The following ENPP6 variants were observed in gnomAD, a reference collection of about 807,000 sequenced individuals.
ENPP6 encodes glycerophosphocholine cholinephosphodiesterase ENPP6.
A neutral mutation model predicts 42.0 loss-of-function variants in ENPP6; 32 were observed. The observed-to-expected ratio is 0.76, with a 90% CI of 0.58 to 1.02. The LOEUF (loss-of-function observed/expected upper bound fraction) is 1.02. ENPP6 is among the 50% of genes least tolerant of loss of function. The probability of loss-of-function intolerance (pLI) is 0.00; values close to 1 mark genes in which losing one functional copy is unlikely to be tolerated. For missense variants in ENPP6, 552 were observed against 566.8 expected, an observed-to-expected ratio of 0.97 and a Z score of 0.27; for synonymous variants, 213 against 216.0, an observed-to-expected ratio of 0.99 and a Z score of 0.12.
chr4:184,163,400 G>A (rs899703521), intron 1 of ENPP6, among the ~76,000 whole-genome samples: 5 of 152,172 alleles, frequency 3.3e-5, no homozygotes, highest in African/African-American at 7.2e-5. Context: ...GAAGTAAAGG[G>A]AACGAGGGTG....
chr4:184,150,613 GC>G (rs898851804), intron 2 of ENPP6, among the ~76,000 whole-genome samples: 2 of 152,208 alleles, frequency 1.3e-5, no homozygotes, highest in Non-Finnish European at 2.9e-5. Flanking sequence ...TACTGCAGCT[GC>G]CCCCCAGGAA....
intron 2 of ENPP6, among the ~76,000 whole-genome samples, chr4:184,132,936 G>A (rs1478822488): frequency 1.3e-5 from 2 of 151,222 alleles, no homozygotes; most frequent in African/African-American, 2.4e-5. Flanking sequence ...CATAAATCAG[G>A]TATTGGATCA....
intron 1 of ENPP6, among the ~76,000 whole-genome samples, chr4:184,165,347 T>G (rs1737330927): frequency 6.6e-6 from 1 of 152,184 alleles, no homozygotes; most frequent in Non-Finnish European, 1.5e-5. Context: ...AGTGGCTGAG[T>G]GAGGAGGCTG....
chr4:184,089,186 T>C lies in ENPP6; in HGVS notation c.*1991A>G, dbSNP rs541398633. The C allele has an allele frequency of 1.3e-5, 2 of 152,226 alleles. No individual in the cohort carries two copies. The highest frequency in any genetic ancestry group is 2.9e-5 in the Non-Finnish European group (2 of 68,034). The allele number at this position is 152,226 out of a possible 1,614,324, so 9.4% of individuals were successfully genotyped here. On this transcript the variant is annotated 3_prime_UTR_variant, in exon 8 of 8. Transcript: ENST00000296741. ...GCTGAAGAGTTGCCTTCTTTCCAAT[T>C]GATCCGATGGTTTACTGGCGCTTTT...
At chr4:184,125,924 T>G (rs1186704801) in intron 2 of ENPP6, among the ~76,000 whole-genome samples, 3 of 152,178 alleles carry the variant, frequency 2.0e-5, no homozygotes, top group Non-Finnish European at 4.4e-5. Flanking sequence ...TGTGAATTGT[T>G]ATTGCTCTCT....
Position 184,089,559 on chromosome 4 carries a change from T to G in ENPP6, c.*1618A>C, listed in dbSNP as rs1735749235. ...GGTGTGATCAAAGCTCACTGCAGCC[T>G]TGACCTCCTGGGCTCAAATGATTCT... On this transcript the variant is annotated 3_prime_UTR_variant, in exon 8 of 8. Coordinates refer to ENST00000296741, the MANE Select transcript of ENPP6 (RefSeq NM_153343.4). 2 of 152,700 alleles carry G rather than the reference T, an allele frequency of 1.3e-5. No individual in the cohort carries two copies. The highest frequency in any genetic ancestry group is 4.8e-5 in the African/African-American group (2 of 41,544). The allele number at this position is 152,700 out of a possible 1,614,324, so 9.5% of individuals were successfully genotyped here. A position where few individuals can be genotyped will look rare whatever the true frequency, so the allele number is the denominator to read the frequency against.
At chr4:184,138,573 C>T (rs990818515) in intron 2 of ENPP6, among the ~76,000 whole-genome samples, 5 of 152,166 alleles carry the variant, frequency 3.3e-5, no homozygotes, top group Admixed American at 3.3e-4. Context: ...TGAGAGGTAT[C>T]TTTTTCTTAC....
chr4:184,206,251 A>ATTTTT lies in ENPP6; in HGVS notation c.241+11323_241+11327dup, dbSNP rs1554000365. Among the ~76,000 whole-genome samples, 55 of 93,296 alleles carry ATTTTT rather than the reference A, an allele frequency of 5.9e-4. 2 individuals carry two copies. Among genetic ancestry groups the ATTTTT allele is most frequent in the African/African-American group, 1.1e-3 (24 of 22,418 alleles). The allele number at this position is 93,296 out of a possible 152,430, so 61.2% of individuals were successfully genotyped here. A position where few individuals can be genotyped will look rare whatever the true frequency, so the allele number is the denominator to read the frequency against. ...GAACAGCCCCTCAAAGGAAGCTTGA[A>ATTTTT]TTTTTTTTTTTTTTTTTTTTTTTTG... On this transcript the variant is annotated intron_variant, in intron 1 of 7. Coordinates refer to ENST00000296741, the MANE Select transcript of ENPP6 (RefSeq NM_153343.4).
intron 1 of ENPP6, among the ~76,000 whole-genome samples, chr4:184,183,695 T>A (rs1732590216): frequency 6.6e-6 from 1 of 152,312 alleles, no homozygotes; most frequent in African/African-American, 2.4e-5. Context: ...GAACTAAAGT[T>A]TTTTACCAAA....
intron 1 of ENPP6, among the ~76,000 whole-genome samples, chr4:184,160,955 T>C (rs6823506): frequency 0.42 from 64,240 of 151,988 alleles, 14,097 homozygotes; most frequent in East Asian, 0.6. Flanking sequence ...TTGAGGGCAA[T>C]GCAAAGAACT....
chr4:184,131,189 C>CTT (rs1214487960), intron 2 of ENPP6, among the ~76,000 whole-genome samples: 2,435 of 66,584 alleles, frequency 0.037, 66 homozygotes, highest in South Asian at 0.056. Context: ...TTCTTTCTTT[C>CTT]TTTCTTTCTT....
At chr4:184,180,380 C>CA (rs1019227542) in intron 1 of ENPP6, among the ~76,000 whole-genome samples, 59 of 151,982 alleles carry the variant, frequency 3.9e-4, no homozygotes, top group Admixed American at 3.3e-3. Flanking sequence ...ATCCACCAAC[C>CA]AAAAAAAGCC....
intron 2 of ENPP6, among the ~76,000 whole-genome samples, chr4:184,137,870 G>A (rs186334885): frequency 1.4e-3 from 206 of 152,290 alleles, no homozygotes; most frequent in African/African-American, 4.7e-3. Flanking sequence ...CTGAAGGAGA[G>A]ATGGGTACCA....
intron 6 of ENPP6, among the ~76,000 whole-genome samples, chr4:184,109,855 T>G (rs1736170714): frequency 6.6e-6 from 1 of 152,138 alleles, no homozygotes. Flanking sequence ...AACGTGTGTG[T>G]GTGTGTGTGT....
rs1163805722 is a variant in ENPP6, at chr4:184,116,925, A to G, written c.786T>C (p.Asn262=). 2.4e-5 allele frequency: 39 copies of G among 1,614,102 alleles called. No homozygotes were observed. Among genetic ancestry groups the G allele is most frequent in the African/African-American group, 4.0e-5 (3 of 74,932 alleles). The change falls in exon 5 of 8, where the codon AAT becomes AAC. Residue 262 remains asparagine, a synonymous_variant. Coordinates refer to ENST00000296741, the MANE Select transcript of ENPP6 (RefSeq NM_153343.4). ...VIELNKYISL[N]DLQQVKDRGP... ...CGCGGTCCTTCACTTGCTGCAGGTC[A>G]TTCAGGCTGATGTACTTATTCAGCT...
rs527813190 is a variant in ENPP6, at chr4:184,121,784, C to T, written c.533+2377G>A. ...CTGGTCTAGACTGTTCTAGACTGGACATCTTCTTCACTCACCTCATTCCTG... is the reference window on the plus strand; with the variant it reads ...CTGGTCTAGACTGTTCTAGACTGGATATCTTCTTCACTCACCTCATTCCTG... On this transcript the variant is annotated intron_variant, in intron 3 of 7. Coordinates refer to ENST00000296741, the MANE Select transcript of ENPP6 (RefSeq NM_153343.4). 5.0e-4 allele frequency among the ~76,000 whole-genome samples: 76 copies of T among 152,344 alleles called. 1 individual carries two copies. The highest frequency in any genetic ancestry group is 1.6e-3 in the African/African-American group (68 of 41,584).
At chr4:184,116,016 C>A (rs187784473) in intron 5 of ENPP6, among the ~76,000 whole-genome samples, 3 of 151,638 alleles carry the variant, frequency 2.0e-5, no homozygotes, top group Admixed American at 2.0e-4. Context: ...GAGATCGAGA[C>A]CATCCTGGTT....
At chr4:184,195,357 A>T (rs1167265380) in intron 1 of ENPP6, among the ~76,000 whole-genome samples, 1 of 151,840 alleles carries the variant, frequency 6.6e-6, no homozygotes. Flanking sequence ...TTCAGCTCCC[A>T]CTCATAAGTG....
chr4:184,108,324 C>T (rs1028338458), intron 6 of ENPP6, among the ~76,000 whole-genome samples: 3 of 152,222 alleles, frequency 2.0e-5, no homozygotes, highest in African/African-American at 7.2e-5. Context: ...TAAGCCAGCC[C>T]TGAAACGTCA....
Sources: gnomAD v4.1 joint callset for allele counts (sites outside exome capture counted in the v4.1 genomes callset) on GRCh38, gnomAD v4.1.1 for gene constraint, MANE v1.5 for transcripts, NCBI Gene and HGNC (gene_info 2026-07-23, HGNC 2026-07-21) for gene names.